The following PIKFYVE variants were observed in gnomAD, a reference collection of about 807,000 sequenced individuals.
PIKFYVE encodes 1-phosphatidylinositol 3-phosphate 5-kinase.
A neutral mutation model predicts 257.9 loss-of-function variants in PIKFYVE; 122 were observed. The observed-to-expected ratio is 0.47, with a 90% CI of 0.41 to 0.55. The LOEUF (loss-of-function observed/expected upper bound fraction) is 0.55. Among genes scored for constraint, PIKFYVE ranks in the 20% least tolerant of loss-of-function variants. The pLI is 0.00. For missense variants in PIKFYVE, 2,160 were observed against 2,536.6 expected (o/e 0.85, Z 3.19); for synonymous variants, 892 against 868.9 (o/e 1.03, Z -0.47).
rs2125847675 is a variant in PIKFYVE, at chr2:208,356,288, TA to T, written c.*989del. On this transcript the variant is annotated 3_prime_UTR_variant, in exon 42 of 42. Coordinates refer to ENST00000264380, the MANE Select transcript of PIKFYVE (RefSeq NM_015040.4). ...AGCAATTTAGGTGGCATCTATAAAA[TA>T]AAAAATTTCTACTGTGGACATCCCC... 6.6e-6 allele frequency: 1 copy of T among 152,328 alleles called. No homozygotes were observed. Among genetic ancestry groups the T allele is most frequent in the African/African-American group, 2.4e-5 (1 of 41,578 alleles). 9.4% of individuals were successfully genotyped at this position (152,328 alleles called of 1,614,324 possible). A position where few individuals can be genotyped will look rare whatever the true frequency, so the allele number is the denominator to read the frequency against.
rs947381383 is a variant in PIKFYVE at position 208,276,714 on chromosome 2, A to T, written c.325A>T (p.Thr109Ser). 6.2e-7 allele frequency: 1 copy of T among 1,612,206 alleles called. No individual in the cohort carries two copies. Among genetic ancestry groups the T allele is most frequent in the Non-Finnish European group, 8.5e-7 (1 of 1,178,420 alleles). ...ELQRRSSALDTRRKAEPTFGG... is the reference protein window; with the variant it reads ...ELQRRSSALDSRRKAEPTFGG... ...GCTTTTTTTTTAATCCAACTCAGAC[A>T]CAAGAAGGAAAGCAGAACCTACCTT... Residue 109 changes from threonine to serine, a missense_variant and splice_region_variant, in exon 4 of 42, where the codon ACA becomes TCA. Around this residue, in one of 12 missense-constraint regions of PIKFYVE, gnomAD observed 172 missense variants for 180.6 expected, o/e 0.95. Coordinates refer to ENST00000264380, the MANE Select transcript of PIKFYVE (RefSeq NM_015040.4).
At chr2:208,266,697 C>G (rs1688676733) in intron 1 of PIKFYVE, among the ~76,000 whole-genome samples, 2 of 152,248 alleles carry the variant, frequency 1.3e-5, no homozygotes, top group Admixed American at 1.3e-4. Flanking sequence ...TTGCCTCTCT[C>G]TCGACCCTTA....
chr2:208,273,351 A>G (rs1689676202), intron 2 of PIKFYVE, among the ~76,000 whole-genome samples: 1 of 152,160 alleles, frequency 6.6e-6, no homozygotes, highest in Admixed American at 6.6e-5. Context: ...TAATTTCAGC[A>G]CTTTGGAAGG....
chr2:208,353,798 A>G, intron 39 of PIKFYVE, 100 bp from the exon 40 acceptor site: 1 of 1,363,004 alleles, frequency 7.3e-7, no homozygotes, highest in Non-Finnish European at 1.0e-6. Context: ...GTGTAATGGT[A>G]GTGACTATAA....
chr2:208,271,634 G>A lies in PIKFYVE; in HGVS notation c.115G>A (p.Glu39Lys), dbSNP rs757204593. Residue 39 changes from glutamate to lysine, a missense_variant, in exon 2 of 42, where the codon GAG (glutamate) becomes AAG (lysine). Physicochemically the swap from Glu to Lys is moderately conservative, Grantham distance 56 (BLOSUM62 1). Around this residue, in one of 12 missense-constraint regions of PIKFYVE, gnomAD observed 172 missense variants for 180.6 expected, o/e 0.95. Coordinates refer to ENST00000264380, the MANE Select transcript of PIKFYVE (RefSeq NM_015040.4). ...HFKPLTPDQD[E>K]PPFKSAYSSF... is the part of the protein sequence containing the mutation. ...TAAACCTTTGACTCCTGATCAAGAT[G>A]AGCCCCCTTTTAAATCAGCTTATAG... is the stretch of plus-strand genomic sequence containing the variant. 4 of 1,614,028 alleles carry A rather than the reference G, an allele frequency of 2.5e-6. No individual in the cohort carries two copies. Among genetic ancestry groups the A allele is most frequent in the South Asian group, 2.2e-5 (2 of 91,070 alleles).
chr2:208,326,036 C>T lies in PIKFYVE; in HGVS notation c.3225C>T (p.Cys1075=). Residue 1075 remains cysteine (C), a synonymous_variant, in exon 20 of 42, where the codon TGC becomes TGT. Transcript: ENST00000264380. ...PFLLTEKGMR[C]STRDYFAEQV... is the part of the protein sequence containing the mutation. ...TTTTAACTGAAAAGGGGATGAGATG[C>T]TCTACCCGAGATTATTTTGCAGAGC... 1 of 1,614,158 alleles carries T rather than the reference C, an allele frequency of 6.2e-7. No homozygotes were observed. The highest frequency in any genetic ancestry group is 1.6e-4 in the Middle Eastern group (1 of 6,062).
intron 12 of PIKFYVE, among the ~76,000 whole-genome samples, chr2:208,309,936 T>C (rs1490106766): frequency 6.6e-6 from 1 of 152,054 alleles, no homozygotes; most frequent in Non-Finnish European, 1.5e-5. Flanking sequence ...ACAGAGGAGG[T>C]TCCAGCATTA....
At chr2:208,285,486 T>G (rs955465169) in intron 5 of PIKFYVE, among the ~76,000 whole-genome samples, 2 of 152,268 alleles carry the variant, frequency 1.3e-5, no homozygotes, top group East Asian at 1.9e-4. Context: ...TTTTTTTCTT[T>G]TAACTTCTAA....
intron 18 of PIKFYVE, 120 bp from the exon 19 acceptor site, chr2:208,324,791 T>C (rs1696722374): frequency 7.9e-7 from 1 of 1,260,724 alleles, no homozygotes; most frequent in Admixed American, 2.1e-5. Context: ...CATCATATAT[T>C]TATTAAAAAG....
At chr2:208,305,070 A>G in intron 12 of PIKFYVE, 57 bp downstream of exon 12, 2 of 1,608,760 alleles carry the variant, frequency 1.2e-6, no homozygotes, top group South Asian at 1.1e-5. Flanking sequence ...GGGCCATAGG[A>G]TCTCATGCCA....
intron 36 of PIKFYVE, 127 bp from the exon 37 acceptor site, chr2:208,350,644 C>T: frequency 1.0e-6 from 1 of 962,984 alleles, no homozygotes; most frequent in Non-Finnish European, 1.6e-6. Context: ...TTGGATCTAA[C>T]ATGCAAAATG....
Position 208,301,969 on chromosome 2 carries a change from G to C in PIKFYVE, c.1209-273G>C, listed in dbSNP as rs141754317. 5.9e-5 allele frequency among the ~76,000 whole-genome samples: 9 copies of C among 152,212 alleles called. No individual in the cohort carries two copies. The East Asian group carries it at 1.5e-3, about 26-fold the overall frequency. On this transcript the variant is annotated intron_variant, in intron 9 of 41. Transcript: ENST00000264380. ...AAATCTGTTAAGTATAGGGTTGTGC[G>C]TGCATTGAATACTCAGTCAATGCTT...
At position 208,328,199 on chromosome 2, in the gene PIKFYVE, T is replaced by G; in HGVS notation, c.3638T>G (p.Ile1213Ser). ...WSTKVDCLNPINHQRLCVLFS... is the reference protein window; with the variant it reads ...WSTKVDCLNPSNHQRLCVLFS... ...TTTCAGGTGGACTGTCTGAATCCCA[T>G]TAATCACCAGAGACTTTGTGTGCTC... The change falls in exon 21 of 42, where the codon ATT (isoleucine) becomes AGT (serine). Residue 1213 changes from isoleucine (I) to serine (S), a missense_variant. Transcript: ENST00000264380. The G allele has an allele frequency of 6.2e-7, 1 of 1,613,894 alleles. No individual in the cohort carries two copies. Among genetic ancestry groups the G allele is most frequent in the Non-Finnish European group, 8.5e-7 (1 of 1,179,840 alleles).
chr2:208,302,603 C>T (rs1404244350), intron 10 of PIKFYVE: 1 of 449,360 alleles, frequency 2.2e-6, no homozygotes, highest in African/African-American at 2.0e-5. Context: ...TAATCAAACA[C>T]TTTTTTCAGT....
Position 208,335,889 on chromosome 2 carries a change from T to C in PIKFYVE, c.4353T>C (p.Phe1451=). The change falls in exon 26 of 42, where the codon TTT becomes TTC. Residue 1451 remains phenylalanine (F), a synonymous_variant. Coordinates refer to ENST00000264380, the MANE Select transcript of PIKFYVE (RefSeq NM_015040.4). ...KTREEKMEDI[F]AQKEMEEGEF... ...GAGAGGAAAAAATGGAAGATATTTT[T>C]GCACAGAAAGAGGTAATTTATTTCT... 6.2e-7 allele frequency: 1 copy of C among 1,608,766 alleles called. No individual in the cohort carries two copies. Among genetic ancestry groups the C allele is most frequent in the Non-Finnish European group, 8.5e-7 (1 of 1,175,612 alleles).
intron 15 of PIKFYVE, among the ~76,000 whole-genome samples, chr2:208,317,343 A>G (rs558233852): frequency 1.3e-5 from 2 of 152,286 alleles, no homozygotes; most frequent in African/African-American, 4.8e-5. Flanking sequence ...ACTTCTCAAA[A>G]GAAGACATTT....
chr2:208,291,992 GT>G (rs1196271893), intron 7 of PIKFYVE, among the ~76,000 whole-genome samples: 1 of 151,764 alleles, frequency 6.6e-6, no homozygotes, highest in Non-Finnish European at 1.5e-5. Flanking sequence ...GTTAGGTTGT[GT>G]TTTCATTTTC....
chr2:208,345,912 T>C, intron 33 of PIKFYVE, 138 bp from the exon 34 acceptor site: 1 of 650,696 alleles, frequency 1.5e-6, no homozygotes, highest in South Asian at 1.8e-5. Flanking sequence ...ATGTAAATTA[T>C]GAATCAGACT....
chr2:208,349,933 T>G, intron 35 of PIKFYVE, 91 bp from the exon 36 acceptor site: 1 of 1,553,460 alleles, frequency 6.4e-7, no homozygotes. Flanking sequence ...ATTTGCTAAG[T>G]TTTTTTGTTA....
Sources: gnomAD v4.1 joint callset for allele counts (sites outside exome capture counted in the v4.1 genomes callset) on GRCh38, gnomAD v4.1.1 for gene constraint, gnomAD v4.1.1 regional missense constraint, MANE v1.5 for transcripts, NCBI Gene and HGNC (gene_info 2026-07-23, HGNC 2026-07-21) for gene names.